Variants in SLC25A48 observed in about 807,000 individuals in gnomAD.
The protein encoded by SLC25A48 is CTC-321K16.1.
A neutral mutation model predicts 32.2 loss-of-function variants in SLC25A48; 29 were observed. The observed-to-expected ratio is 0.90, with a 90% confidence interval of 0.67 to 1.23. The LOEUF (loss-of-function observed/expected upper bound fraction) is 1.23, where lower values mean the gene tolerates loss of function less well. Ranked by LOEUF, SLC25A48 falls within the 50% of genes most tolerant of loss-of-function variation. SLC25A48 has a pLI of 0.00. For synonymous variants in SLC25A48, 164 were observed against 172.3 expected (o/e 0.95, Z 0.38); for missense variants, 399 against 422.7 (o/e 0.94, Z 0.49).
chr5:135,594,823 G>A (rs1251018949), intron 1 of SLC25A48, among the ~76,000 whole-genome samples: 2 of 152,192 alleles, frequency 1.3e-5, no homozygotes, highest in Non-Finnish European at 2.9e-5. Context: ...GCATTTGACA[G>A]CATGAAGAGC....
intron 4 of SLC25A48, among the ~76,000 whole-genome samples, chr5:135,815,520 GA>G (rs1389686287): frequency 2.0e-5 from 3 of 152,206 alleles, no homozygotes; most frequent in Non-Finnish European, 4.4e-5. Flanking sequence ...TGCAGGTAAG[GA>G]AGAGCATCAA....
At chr5:135,789,052 CATG>C (rs1756938837) in intron 3 of SLC25A48, among the ~76,000 whole-genome samples, 1 of 151,350 alleles carries the variant, frequency 6.6e-6, no homozygotes, top group African/African-American at 2.4e-5. Context: ...TGTACACCCC[CATG>C]CCATATGGTC....
chr5:135,867,922 C>A (rs1056105798), intron 4 of SLC25A48, among the ~76,000 whole-genome samples: 1 of 152,180 alleles, frequency 6.6e-6, no homozygotes, highest in Non-Finnish European at 1.5e-5. Context: ...ATGAGTGACA[C>A]CTCATGATAT....
At chr5:135,737,828 C>T (rs1755410564) in intron 3 of SLC25A48, among the ~76,000 whole-genome samples, 1 of 152,198 alleles carries the variant, frequency 6.6e-6, no homozygotes, top group Admixed American at 6.5e-5. Flanking sequence ...CTTCAATCCT[C>T]TCAACAAACC....
intron 1 of SLC25A48, among the ~76,000 whole-genome samples, chr5:135,835,622 A>G (rs1376176108): frequency 7.5e-6 from 1 of 132,880 alleles, no homozygotes; most frequent in African/African-American, 2.9e-5. Context: ...CAATTGGTCT[A>G]TCCCTCTTTT....
intron 4 of SLC25A48, among the ~76,000 whole-genome samples, chr5:135,855,810 A>G (rs1760268024): frequency 6.6e-6 from 1 of 152,250 alleles, no homozygotes; most frequent in African/African-American, 2.4e-5. Flanking sequence ...CATGCCAGGA[A>G]GTGCAGCAGG....
At chr5:135,655,745 G>A (rs1414401201) in intron 3 of SLC25A48, among the ~76,000 whole-genome samples, 1 of 152,352 alleles carries the variant, frequency 6.6e-6, no homozygotes. Flanking sequence ...AGCACTACAA[G>A]CTTTCAAGAA....
At chr5:135,874,519 A>T in intron 6 of SLC25A48, 1 of 557,260 alleles carries the variant, frequency 1.8e-6, no homozygotes, top group East Asian at 3.2e-5. Context: ...TGCCTTCCCC[A>T]CTCCTCCTCC....
intron 4 of SLC25A48, among the ~76,000 whole-genome samples, chr5:135,818,474 G>A (rs1245705871): frequency 6.6e-6 from 1 of 152,120 alleles, no homozygotes; most frequent in Non-Finnish European, 1.5e-5. Flanking sequence ...GCTAAATAAT[G>A]CATCCAAAAA....
intron 1 of SLC25A48, among the ~76,000 whole-genome samples, chr5:135,628,113 T>G (rs1226679259): frequency 1.3e-5 from 2 of 152,066 alleles, no homozygotes; most frequent in African/African-American, 4.8e-5. Flanking sequence ...AAGGTGACAT[T>G]TGGCTGGGTT....
intron 3 of SLC25A48, among the ~76,000 whole-genome samples, chr5:135,769,906 C>A (rs1301557119): frequency 7.9e-5 from 12 of 151,326 alleles, no homozygotes; most frequent in Non-Finnish European, 4.4e-5. Context: ...GGTGTACACA[C>A]CCCTGTGATA....
intron 2 of SLC25A48, among the ~76,000 whole-genome samples, chr5:135,842,951 C>T (rs906350915): frequency 2.0e-5 from 3 of 152,236 alleles, no homozygotes; most frequent in Admixed American, 2.0e-4. Context: ...CTCCTCACTG[C>T]TGACTGCCTT....
At chr5:135,643,967 C>T (rs1238364584) in intron 3 of SLC25A48, among the ~76,000 whole-genome samples, 2 of 152,176 alleles carry the variant, frequency 1.3e-5, no homozygotes, top group Non-Finnish European at 2.9e-5. Flanking sequence ...AGGGTTTAAA[C>T]TCCAGAGCCC....
chr5:135,751,630 TGGA>T (rs1382084145), intron 3 of SLC25A48, among the ~76,000 whole-genome samples: 4 of 152,026 alleles, frequency 2.6e-5, no homozygotes, highest in African/African-American at 9.7e-5. Flanking sequence ...GGCCAGGAGT[TGGA>T]GAACAGCCTG....
intron 1 of SLC25A48, among the ~76,000 whole-genome samples, chr5:135,836,970 ACCC>A (rs764093952): frequency 1.8e-5 from 2 of 111,736 alleles, no homozygotes; most frequent in Non-Finnish European, 3.4e-5. Flanking sequence ...CCCCCCCCCC[ACCC>A]CCCCCCCCCA....
chr5:135,708,587 G>C (rs1056536309), intron 3 of SLC25A48, among the ~76,000 whole-genome samples: 1 of 152,154 alleles, frequency 6.6e-6, no homozygotes, highest in Non-Finnish European at 1.5e-5. Flanking sequence ...CCCCACCCCG[G>C]TCAGGCAGAG....
chr5:135,680,064 C>T (rs1753859692), intron 3 of SLC25A48, among the ~76,000 whole-genome samples: 1 of 152,146 alleles, frequency 6.6e-6, no homozygotes, highest in African/African-American at 2.4e-5. Context: ...CCAATCCCAG[C>T]CAAGCAGGCT....
chr5:135,670,770 G>T (rs1010511731), intron 3 of SLC25A48, among the ~76,000 whole-genome samples: 3 of 152,134 alleles, frequency 2.0e-5, no homozygotes, highest in Non-Finnish European at 2.9e-5. Flanking sequence ...CGTCATGGAA[G>T]CAGACGCTCT....
chr5:135,647,732 C>T (rs1205469186), intron 3 of SLC25A48, among the ~76,000 whole-genome samples: 4 of 152,212 alleles, frequency 2.6e-5, no homozygotes, highest in Non-Finnish European at 5.9e-5. Flanking sequence ...TTAAGCCAGC[C>T]TTTGGGCCTT....
Sources: gnomAD v4.1 joint callset for allele counts (sites outside exome capture counted in the v4.1 genomes callset) on GRCh38, gnomAD v4.1.1 for gene constraint, MANE v1.5 for transcripts, NCBI Gene and HGNC (gene_info 2026-07-23, HGNC 2026-07-21) for gene names.